The following TNFRSF21 variants were observed in gnomAD, a reference collection of about 807,000 sequenced individuals.
The protein encoded by TNFRSF21 is TNF receptor superfamily member 21.
Under a neutral mutation model 45.6 loss-of-function variants are expected in TNFRSF21, and 19 were observed. The ratio of observed to expected loss-of-function variants is 0.42; its 90% CI spans 0.29 to 0.61. The LOEUF is 0.61. Ranked by LOEUF, TNFRSF21 falls within the 20% of genes least tolerant of loss-of-function variation. TNFRSF21 has a pLI of 0.23. For missense variants in TNFRSF21, 737 were observed against 851.5 expected, an observed-to-expected ratio of 0.87 and a Z score of 1.67; for synonymous variants, 314 against 335.5, an observed-to-expected ratio of 0.94 and a Z score of 0.70.
intron 3 of TNFRSF21, among the ~76,000 whole-genome samples, chr6:47,258,646 C>T (rs897768107): frequency 1.6e-4 from 24 of 152,034 alleles, no homozygotes; most frequent in Admixed American, 9.8e-4. Flanking sequence ...GCCATGTTGG[C>T]CAGGCTGATC....
intron 3 of TNFRSF21, among the ~76,000 whole-genome samples, chr6:47,270,548 A>C (rs1431859691): frequency 6.6e-6 from 1 of 152,232 alleles, no homozygotes; most frequent in Admixed American, 6.5e-5. Context: ...AAAACCACAA[A>C]GATGGGGAGA....
At chr6:47,288,581 A>AG (rs1329990807) in intron 1 of TNFRSF21, among the ~76,000 whole-genome samples, 1 of 151,066 alleles carries the variant, frequency 6.6e-6, no homozygotes, top group East Asian at 1.9e-4. Context: ...CATAAAAAAA[A>AG]AAAAGAAAAA....
At chr6:47,253,545 A>G (rs944811712) in intron 3 of TNFRSF21, 24 bp from the exon 4 acceptor site, 1 of 1,603,206 alleles carries the variant, frequency 6.2e-7, no homozygotes, top group African/African-American at 1.3e-5. Flanking sequence ...AAAATAAAAA[A>G]CAAATGAGGG....
At chr6:47,287,226 G>A (rs1762662813) in intron 1 of TNFRSF21, among the ~76,000 whole-genome samples, 1 of 138,046 alleles carries the variant, frequency 7.2e-6, no homozygotes, top group South Asian at 2.3e-4. Context: ...ATAATCGCTT[G>A]AACCCAGGAG....
intron 3 of TNFRSF21, among the ~76,000 whole-genome samples, chr6:47,266,852 C>T (rs1333383954): frequency 1.3e-5 from 2 of 152,206 alleles, no homozygotes; most frequent in Non-Finnish European, 2.9e-5. Flanking sequence ...GTCCTTCCCT[C>T]TGCACAGCTT....
chr6:47,244,205 T>C (rs1018604869), intron 4 of TNFRSF21, among the ~76,000 whole-genome samples: 1 of 151,248 alleles, frequency 6.6e-6, no homozygotes, highest in Non-Finnish European at 1.5e-5. Context: ...GGACCTGTAT[T>C]CCCAGCTACT....
chr6:47,258,674 A>T (rs6899852), intron 3 of TNFRSF21, among the ~76,000 whole-genome samples: 7 of 151,832 alleles, frequency 4.6e-5, no homozygotes, highest in Non-Finnish European at 1.0e-4. Context: ...CCTGACCTCA[A>T]GTGATCTGCC....
rs756711648 is a variant in TNFRSF21 at position 47,284,258 on chromosome 6, T to C, written c.923A>G (p.His308Arg). Residue 308 changes from histidine (H) to arginine (R), a missense_variant, in exon 3 of 6, where the codon CAC becomes CGC. His to Arg is a conservative substitution (Grantham distance 29, BLOSUM62 0). Coordinates refer to ENST00000296861, the MANE Select transcript of TNFRSF21 (RefSeq NM_014452.5). ...CATGGACGGCAGCAGCTTCAGGATGTGTCTGTGGTGGGGGCCTTGCTGGTG... is the reference window on the plus strand; with the variant it reads ...CATGGACGGCAGCAGCTTCAGGATGCGTCTGTGGTGGGGGCCTTGCTGGTG... ...VNHQQGPHHR[H>R]ILKLLPSMEA... 43 of 1,613,274 alleles carry C rather than the reference T, an allele frequency of 2.7e-5. No homozygotes were observed. The highest frequency in any genetic ancestry group is 6.7e-5 in the Admixed American group (4 of 59,966).
At chr6:47,253,162 T>A in intron 4 of TNFRSF21, 94 bp downstream of exon 4, 1 of 1,439,082 alleles carries the variant, frequency 6.9e-7, no homozygotes, top group Admixed American at 2.1e-5. Flanking sequence ...ATCCACCGAA[T>A]ATGTTATTTT....
At chr6:47,250,993 A>G (rs1764893070) in intron 4 of TNFRSF21, among the ~76,000 whole-genome samples, 1 of 152,268 alleles carries the variant, frequency 6.6e-6, no homozygotes, top group Non-Finnish European at 1.5e-5. Flanking sequence ...TATGTAAGGT[A>G]TATGTGAAAC....
chr6:47,294,931 T>C (rs1160292032), intron 1 of TNFRSF21, among the ~76,000 whole-genome samples: 1 of 152,262 alleles, frequency 6.6e-6, no homozygotes, highest in Non-Finnish European at 1.5e-5. Flanking sequence ...TGCACCATCC[T>C]AGTTTAAACT....
intron 4 of TNFRSF21, among the ~76,000 whole-genome samples, chr6:47,237,967 T>C (rs1226010274): frequency 6.6e-6 from 1 of 152,066 alleles, no homozygotes; most frequent in Non-Finnish European, 1.5e-5. Context: ...GGAGAATCGC[T>C]TGAACCAGGG....
At chr6:47,282,325 G>A (rs1162792321) in intron 3 of TNFRSF21, among the ~76,000 whole-genome samples, 1 of 150,750 alleles carries the variant, frequency 6.6e-6, no homozygotes, top group Non-Finnish European at 1.5e-5. Context: ...GTGAAGTTGT[G>A]GTGAGCTGAG....
In TNFRSF21 at chr6:47,286,328, G is replaced by T; in HGVS notation, c.364C>A (p.Pro122Thr). Reference sequence around the variant, plus strand: ...TCTCGGTCAGTCAAGGCAGCACAAGGTAATTTCTCAATCATTGGCCATGGG... The same window carrying T: ...TCTCGGTCAGTCAAGGCAGCACAAGTTAATTTCTCAATCATTGGCCATGGG... Reference protein sequence around the residue: ...PCPWPMIEKLPCAALTDRECT... With the variant: ...PCPWPMIEKLTCAALTDRECT... The change falls in exon 2 of 6, where the codon CCT (proline) becomes ACT (threonine). Residue 122 changes from proline to threonine, a missense_variant. Coordinates refer to ENST00000296861, the MANE Select transcript of TNFRSF21 (RefSeq NM_014452.5). 3 of 1,614,214 alleles carry T rather than the reference G, an allele frequency of 1.9e-6. No individual in the cohort carries two copies. Among genetic ancestry groups the T allele is most frequent in the Non-Finnish European group, 1.7e-6 (2 of 1,180,036 alleles).
chr6:47,251,529 CCTT>C (rs1375767877), intron 4 of TNFRSF21, among the ~76,000 whole-genome samples: 2 of 152,150 alleles, frequency 1.3e-5, no homozygotes, highest in Non-Finnish European at 2.9e-5. Flanking sequence ...TGCACTCTCA[CCTT>C]CTTATTTTTC....
At position 47,284,290 on chromosome 6, in the gene TNFRSF21, T is replaced by A. The variant is rs1294035795; in HGVS notation, c.891A>T (p.Val297=). ...GGTGGGGGCCTTGCTGGTGGTTGAC[T>A]ACCTGAAGGTTTGGGAGGGTCTTGT... The part of the protein sequence containing the change: ...DVNKTLPNLQ[V]VNHQQGPHHR... The change falls in exon 3 of 6, where the codon GTA becomes GTT. Residue 297 remains valine (V), a synonymous_variant. Coordinates refer to ENST00000296861, the MANE Select transcript of TNFRSF21 (RefSeq NM_014452.5). The A allele has an allele frequency of 6.2e-7, 1 of 1,610,450 alleles. No homozygotes were observed.
At chr6:47,276,731 C>G (rs1166999092) in intron 3 of TNFRSF21, among the ~76,000 whole-genome samples, 1 of 152,332 alleles carries the variant, frequency 6.6e-6, no homozygotes, top group East Asian at 1.9e-4. Flanking sequence ...AAAATATCTC[C>G]TAACTTGCTG....
intron 3 of TNFRSF21, among the ~76,000 whole-genome samples, chr6:47,266,103 C>T (rs895912738): frequency 5.3e-5 from 8 of 152,166 alleles, no homozygotes; most frequent in Admixed American, 5.2e-4. Context: ...AAGAAACATG[C>T]AATTCCACTC....
intron 3 of TNFRSF21, among the ~76,000 whole-genome samples, chr6:47,264,862 C>T (rs1257216393): frequency 6.6e-6 from 1 of 152,170 alleles, no homozygotes; most frequent in African/African-American, 2.4e-5. Flanking sequence ...CGGCTGTCAG[C>T]CCATAGCTGG....
Sources: allele counts gnomAD v4.1 joint callset (sites outside exome capture counted in the v4.1 genomes callset), GRCh38; gene constraint gnomAD v4.1.1; transcripts MANE v1.5; gene names NCBI Gene and HGNC (gene_info 2026-07-23, HGNC 2026-07-21).